The following ZRANB2 variants were observed in gnomAD, a reference collection of about 807,000 sequenced individuals.
ZRANB2 encodes the protein zinc finger RANBP2-type containing 2.
Under a neutral mutation model 53.4 loss-of-function variants are expected in ZRANB2, and 19 were observed. The observed-to-expected ratio is 0.36, with a 90% CI of 0.25 to 0.52. The LOEUF (loss-of-function observed/expected upper bound fraction) is 0.52. ZRANB2 is among the 20% of genes least tolerant of loss of function. The pLI is 0.93. For synonymous variants in ZRANB2, 145 were observed against 134.8 expected, an observed-to-expected ratio of 1.08 and a Z score of -0.52; for missense variants, 309 against 401.1, an observed-to-expected ratio of 0.77 and a Z score of 1.96.
At chr1:71,066,658 A>G in intron 9 of ZRANB2, 118 bp downstream of exon 9, 11 of 1,091,064 alleles carry the variant, frequency 1.0e-5, no homozygotes, top group Non-Finnish European at 1.4e-5. Context: ...TTCAAAGTTG[A>G]AAAGTAGAAA....
At chr1:71,065,186 A>G (rs1396984032) in intron 9 of ZRANB2, 49 bp from the exon 10 acceptor site, 1 of 1,418,398 alleles carries the variant, frequency 7.1e-7, no homozygotes, top group African/African-American at 1.4e-5. Flanking sequence ...CTAGAGCTAA[A>G]TCTCAGCATT....
chr1:71,072,581 G>T, intron 4 of ZRANB2, 33 bp from the exon 5 acceptor site: 2 of 1,509,284 alleles, frequency 1.3e-6, no homozygotes, highest in African/African-American at 1.4e-5. Context: ...GTTACCCTAT[G>T]ACAATTGATT....
chr1:71,076,177 T>C (rs1661706857), intron 4 of ZRANB2, among the ~76,000 whole-genome samples: 1 of 152,150 alleles, frequency 6.6e-6, no homozygotes, highest in Non-Finnish European at 1.5e-5. Flanking sequence ...GGCTAATTGG[T>C]GATAATGGAA....
Position 71,064,804 on chromosome 1 carries a change from A to G in ZRANB2, c.*270T>C, listed in dbSNP as rs879467161. The G allele has an allele frequency of 7.4e-6, 2 of 270,006 alleles. No homozygotes were observed. The highest frequency in any genetic ancestry group is 1.1e-3 in the Middle Eastern group (1 of 912). The allele number at this position is 270,006 out of a possible 1,614,324, so 16.7% of individuals were successfully genotyped here. ...CAAAAATGGGTTTAAATTAGGAAGC[A>G]AAGTACTTTGTTATAGCTGAAATGG... On this transcript the variant is annotated 3_prime_UTR_variant, in exon 10 of 10. Coordinates refer to ENST00000370920, the MANE Select transcript of ZRANB2 (RefSeq NM_203350.3).
At chr1:71,079,799 G>A (rs958049673) in intron 1 of ZRANB2, among the ~76,000 whole-genome samples, 1 of 152,046 alleles carries the variant, frequency 6.6e-6, no homozygotes, top group African/African-American at 2.4e-5. Flanking sequence ...TAAATCTTTT[G>A]AACGTTTTCA....
In ZRANB2 at chr1:71,070,958, A is replaced by T; in HGVS notation, c.552T>A (p.Asn184Lys). 1 of 1,606,996 alleles carries T rather than the reference A, an allele frequency of 6.2e-7. No homozygotes were observed. The highest frequency in any genetic ancestry group is 8.5e-7 in the Non-Finnish European group (1 of 1,177,220). ...DEDDADLSKY[N>K]LDASEEEDSN... ...TATCTTCTTCTTCACTGGCATCAAGATTATATTTTGAGAGATCAGCGTCAT... is the reference window on the plus strand; with the variant it reads ...TATCTTCTTCTTCACTGGCATCAAGTTTATATTTTGAGAGATCAGCGTCAT... The change falls in exon 7 of 10, where the codon AAT becomes AAA. Residue 184 changes from asparagine to lysine, a missense_variant. Asn to Lys is a moderately conservative substitution (Grantham distance 94). Coordinates refer to ENST00000370920, the MANE Select transcript of ZRANB2 (RefSeq NM_203350.3).
intron 3 of ZRANB2, among the ~76,000 whole-genome samples, chr1:71,077,697 T>C (rs1661738345): frequency 6.6e-6 from 1 of 151,824 alleles, no homozygotes; most frequent in African/African-American, 2.4e-5. Context: ...CTACCAAAAA[T>C]ATAAAAAAAT....
At chr1:71,078,966 C>G (rs919165103) in intron 1 of ZRANB2, among the ~76,000 whole-genome samples, 5 of 152,196 alleles carry the variant, frequency 3.3e-5, no homozygotes, top group African/African-American at 1.2e-4. Context: ...ATCTCTGCCT[C>G]AAGTCCTCAC....
chr1:71,072,025 T>C, intron 6 of ZRANB2, 96 bp downstream of exon 6: 2 of 1,492,838 alleles, frequency 1.3e-6, no homozygotes, highest in African/African-American at 2.8e-5. Context: ...AAACACAGAA[T>C]ATATTTTCAC....
chr1:71,071,791 T>C (rs1047514355), intron 6 of ZRANB2, among the ~76,000 whole-genome samples: 2 of 152,158 alleles, frequency 1.3e-5, no homozygotes, highest in Admixed American at 6.6e-5. Flanking sequence ...CCTTAGACAT[T>C]ATCCATCGGC....
rs1557788260 is a variant in ZRANB2, at chr1:71,064,904, A to G, written c.*170T>C. The G allele has an allele frequency of 1.1e-5, 5 of 463,438 alleles. No individual in the cohort carries two copies. The highest frequency in any genetic ancestry group is 3.3e-5 in the East Asian group (1 of 29,874). 28.7% of individuals were successfully genotyped at this position (463,438 alleles called of 1,614,324 possible). A position where few individuals can be genotyped will look rare whatever the true frequency, so the allele number is the denominator to read the frequency against. ...TTGGGACATTATGGCTTAAAATGCT[A>G]TTTACTTTTAACTTCACAAATAAAC... On this transcript the variant is annotated 3_prime_UTR_variant, in exon 10 of 10. Transcript: ENST00000370920.
intron 6 of ZRANB2, among the ~76,000 whole-genome samples, chr1:71,071,873 A>G (rs1661601730): frequency 6.6e-6 from 1 of 152,106 alleles, no homozygotes; most frequent in African/African-American, 2.4e-5. Context: ...AAAATTACCT[A>G]TTTATATATT....
intron 4 of ZRANB2, among the ~76,000 whole-genome samples, chr1:71,073,886 G>A (rs1661647787): frequency 6.6e-6 from 1 of 151,976 alleles, no homozygotes; most frequent in African/African-American, 2.4e-5. Context: ...CTGTATAAAT[G>A]GAAAATACAC....
chr1:71,076,728 A>G, intron 4 of ZRANB2, 67 bp downstream of exon 4: 2 of 1,177,068 alleles, frequency 1.7e-6, no homozygotes, highest in East Asian at 2.4e-5. Flanking sequence ...CGAAGGTGAT[A>G]CAATTATCGT....
At chr1:71,076,989 A>C in intron 3 of ZRANB2, 112 bp from the exon 4 acceptor site, 1 of 796,280 alleles carries the variant, frequency 1.3e-6, no homozygotes, top group African/African-American at 1.8e-5. Context: ...TGTCAAAGAA[A>C]TGTTTATTAA....
chr1:71,078,319 G>A (rs1389841899), intron 3 of ZRANB2, 138 bp downstream of exon 3: 2 of 687,726 alleles, frequency 2.9e-6, no homozygotes, highest in African/African-American at 3.6e-5. Flanking sequence ...ACTTAAAGAT[G>A]AGACTGAATA....
intron 3 of ZRANB2, among the ~76,000 whole-genome samples, chr1:71,077,707 T>A (rs552974958): frequency 6.6e-6 from 1 of 152,034 alleles, no homozygotes; most frequent in Non-Finnish European, 1.5e-5. Flanking sequence ...TATAAAAAAA[T>A]GAGCCAGGCA....
intron 1 of ZRANB2, among the ~76,000 whole-genome samples, chr1:71,080,347 C>A (rs935758988): frequency 6.6e-6 from 1 of 152,092 alleles, no homozygotes; most frequent in African/African-American, 2.4e-5. Context: ...CCTCTTCCCT[C>A]CTTTTCGGCT....
chr1:71,076,599 A>G (rs1245828361), intron 4 of ZRANB2, among the ~76,000 whole-genome samples, 196 bp downstream of exon 4: 1 of 152,228 alleles, frequency 6.6e-6, no homozygotes, highest in Non-Finnish European at 1.5e-5. Flanking sequence ...GGTCCCTAAC[A>G]CTGTTATTTT....
Sources: gnomAD v4.1 joint callset for allele counts (sites outside exome capture counted in the v4.1 genomes callset) on GRCh38, gnomAD v4.1.1 for gene constraint, MANE v1.5 for transcripts, NCBI Gene and HGNC (gene_info 2026-07-23, HGNC 2026-07-21) for gene names.